The following SUGCT variants were observed in gnomAD, a reference collection of about 807,000 sequenced individuals.
The protein encoded by SUGCT is succinyl-CoA:glutarate-CoA transferase.
In SUGCT, 41 loss-of-function variants were observed where a neutral mutation model predicts 55.0. The ratio of observed to expected loss-of-function variants is 0.74; its 90% CI spans 0.58 to 0.97. SUGCT has a LOEUF of 0.97. Among genes scored for constraint, SUGCT ranks in the 50% least tolerant of loss-of-function variants. The pLI is 0.00. For missense variants in SUGCT, 568 were observed against 547.8 expected (o/e 1.04, Z -0.37); for synonymous variants, 187 against 200.4 (o/e 0.93, Z 0.56).
chr7:40,512,211 A>G (rs193178620), intron 12 of SUGCT, among the ~76,000 whole-genome samples: 1 of 152,312 alleles, frequency 6.6e-6, no homozygotes, highest in African/African-American at 2.4e-5. Flanking sequence ...ATGCTGTCCA[A>G]TTCCTAGTGG....
intron 9 of SUGCT, among the ~76,000 whole-genome samples, chr7:40,388,556 C>T (rs1562738704): frequency 6.6e-6 from 1 of 152,064 alleles, no homozygotes; most frequent in Non-Finnish European, 1.5e-5. Flanking sequence ...GCTGGGATTA[C>T]AGGTGTGTGC....
rs577263681 is a variant in SUGCT at position 40,831,153 on chromosome 7, T to G, written c.1154-29163T>G. ...ACGGCCTGTGCTTTCTTAATGACAT[T>G]CATCCTGCCTAAAAGTTGCATTTTA... is the stretch of plus-strand genomic sequence containing the variant. On this transcript the variant is annotated intron_variant, in intron 13 of 13. Coordinates refer to ENST00000335693, the MANE Select transcript of SUGCT (RefSeq NM_001193313.2). 7.9e-5 allele frequency among the ~76,000 whole-genome samples: 12 copies of G among 152,332 alleles called. No individual in the cohort carries two copies. In the East Asian group the frequency reaches 1.9e-3, roughly 24 times the overall value.
chr7:40,315,120 A>G (rs201077229), intron 8 of SUGCT, among the ~76,000 whole-genome samples: 1 of 147,634 alleles, frequency 6.8e-6, no homozygotes, highest in African/African-American at 2.5e-5. Context: ...TTTAAAAAAA[A>G]TTTGAAAACC....
intron 7 of SUGCT, among the ~76,000 whole-genome samples, chr7:40,249,335 A>ATC (rs1790176914): frequency 8.1e-6 from 1 of 124,110 alleles, no homozygotes; most frequent in Non-Finnish European, 1.7e-5. Context: ...ATATATATAT[A>ATC]TATATATATA....
At chr7:40,304,993 C>A (rs1471535092) in intron 8 of SUGCT, among the ~76,000 whole-genome samples, 1 of 152,222 alleles carries the variant, frequency 6.6e-6, no homozygotes, top group Non-Finnish European at 1.5e-5. Flanking sequence ...TTAGCATCAT[C>A]ATGCACTCAA....
At chr7:40,540,908 A>G (rs1030865263) in intron 12 of SUGCT, among the ~76,000 whole-genome samples, 3 of 152,254 alleles carry the variant, frequency 2.0e-5, no homozygotes, top group Non-Finnish European at 4.4e-5. Context: ...TGGCAAGAAG[A>G]GAGCAGTAAG....
intron 12 of SUGCT, among the ~76,000 whole-genome samples, chr7:40,631,128 A>G (rs543062045): frequency 3.3e-5 from 5 of 152,216 alleles, no homozygotes; most frequent in Non-Finnish European, 7.3e-5. Flanking sequence ...ATGATAGGAA[A>G]GAACAAACAT....
chr7:40,259,029 G>C (rs901028945), intron 7 of SUGCT, among the ~76,000 whole-genome samples: 5 of 152,178 alleles, frequency 3.3e-5, no homozygotes, highest in African/African-American at 1.2e-4. Context: ...AAGTGAACCT[G>C]AAGGACATTA....
At chr7:40,273,036 T>C (rs1781325003) in intron 7 of SUGCT, among the ~76,000 whole-genome samples, 1 of 152,126 alleles carries the variant, frequency 6.6e-6, no homozygotes, top group African/African-American at 2.4e-5. Context: ...TGTTCAAGGG[T>C]CAATGTAACT....
chr7:40,666,281 C>T (rs572468838), intron 12 of SUGCT, among the ~76,000 whole-genome samples: 10 of 150,996 alleles, frequency 6.6e-5, no homozygotes, highest in South Asian at 4.2e-4. Flanking sequence ...ACCTGGGAGG[C>T]GGAGGTTGCA....
At chr7:40,322,647 G>C (rs1355133467) in intron 9 of SUGCT, among the ~76,000 whole-genome samples, 1 of 152,154 alleles carries the variant, frequency 6.6e-6, no homozygotes, top group Non-Finnish European at 1.5e-5. Flanking sequence ...TTGAGAATAA[G>C]ACTGTAACCT....
At chr7:40,276,795 A>ATGTG (rs754085745) in intron 8 of SUGCT, among the ~76,000 whole-genome samples, 57 of 146,960 alleles carry the variant, frequency 3.9e-4, no homozygotes, top group African/African-American at 8.7e-4. Context: ...TGGGGTGTGC[A>ATGTG]TGTGTGTGTG....
intron 8 of SUGCT, among the ~76,000 whole-genome samples, chr7:40,289,746 C>T (rs1418783006): frequency 2.6e-5 from 4 of 152,040 alleles, no homozygotes; most frequent in African/African-American, 9.7e-5. Flanking sequence ...GATTGTATAT[C>T]TAGAAAACCC....
chr7:40,396,979 A>G (rs1328220455), intron 9 of SUGCT, among the ~76,000 whole-genome samples: 1 of 152,174 alleles, frequency 6.6e-6, no homozygotes, highest in Non-Finnish European at 1.5e-5. Context: ...TTTATAGAAA[A>G]TGTAAAATAT....
chr7:40,316,684 C>G lies in SUGCT; in HGVS notation c.721-76C>G, dbSNP rs545410398. The G allele has an allele frequency of 7.5e-6, 7 of 931,136 alleles. No individual in the cohort carries two copies. In the South Asian group the frequency reaches 1.1e-4, roughly 15 times the overall value. 57.7% of individuals were successfully genotyped at this position (931,136 alleles called of 1,614,324 possible). On this transcript the variant is annotated intron_variant, in intron 8 of 13. Transcript: ENST00000335693. ...CAATGAGATGAAGTGAAATTACTTT[C>G]ATAATATAACGTTCTCTTTATGAGT...
At chr7:40,229,355 C>A (rs776425214) in intron 6 of SUGCT, among the ~76,000 whole-genome samples, 2 of 152,016 alleles carry the variant, frequency 1.3e-5, no homozygotes, top group Non-Finnish European at 2.9e-5. Flanking sequence ...CCTGTCTCTA[C>A]TAAAAATACA....
At chr7:40,366,631 A>G (rs1783989125) in intron 9 of SUGCT, among the ~76,000 whole-genome samples, 1 of 152,240 alleles carries the variant, frequency 6.6e-6, no homozygotes, top group Non-Finnish European at 1.5e-5. Flanking sequence ...TCTCAAAAGA[A>G]GACATTTATG....
At chr7:40,646,842 C>A (rs1394330816) in intron 12 of SUGCT, among the ~76,000 whole-genome samples, 1 of 152,094 alleles carries the variant, frequency 6.6e-6, no homozygotes, top group East Asian at 1.9e-4. Context: ...CTCGAGGAGG[C>A]AGGTGCAATT....
chr7:40,393,978 A>C (rs1441141271), intron 9 of SUGCT, among the ~76,000 whole-genome samples: 1 of 152,220 alleles, frequency 6.6e-6, no homozygotes, highest in African/African-American at 2.4e-5. Flanking sequence ...GAATTGTTCT[A>C]GGGATTGTGT....
Sources: gnomAD v4.1 joint callset for allele counts (sites outside exome capture counted in the v4.1 genomes callset) on GRCh38, gnomAD v4.1.1 for gene constraint, MANE v1.5 for transcripts, NCBI Gene and HGNC (gene_info 2026-07-23, HGNC 2026-07-21) for gene names.